Variants in STAC observed in about 807,000 individuals in gnomAD.
STAC encodes SH3 and cysteine-rich domain-containing protein.
In STAC, 43 loss-of-function variants were observed where a neutral mutation model predicts 48.8. That is an observed-to-expected ratio of 0.88 (90% confidence interval 0.69 to 1.14). The LOEUF (loss-of-function observed/expected upper bound fraction) is 1.14, where lower values mean the gene tolerates loss of function less well. Ranked by LOEUF, STAC falls within the 50% of genes most tolerant of loss-of-function variation. The probability of loss-of-function intolerance (pLI) is 0.00; values close to 1 mark genes in which losing one functional copy is unlikely to be tolerated. For synonymous variants in STAC, 193 were observed against 179.5 expected, an observed-to-expected ratio of 1.07 and a Z score of -0.60; for missense variants, 497 against 504.0, an observed-to-expected ratio of 0.99 and a Z score of 0.13.
At chr3:36,513,533 T>C (rs1476972372) in intron 8 of STAC, among the ~76,000 whole-genome samples, 4 of 152,204 alleles carry the variant, frequency 2.6e-5, no homozygotes, top group African/African-American at 4.8e-5. Flanking sequence ...CTATGGGTGA[T>C]AGTGCACTAA....
Position 36,398,559 on chromosome 3 carries a change from GGGAA to G in STAC, c.111+17843_111+17846del, listed in dbSNP as rs71085123. Among the ~76,000 whole-genome samples the G allele has an allele frequency of 1.8e-3, 55 of 30,982 alleles. 3 individuals carry two copies. The highest frequency in any genetic ancestry group is 0.011 in the East Asian group (9 of 834). The allele number at this position is 30,982 out of a possible 152,430, so 20.3% of individuals were successfully genotyped here. ...AAAGAGAGGTAAAGAGAAAGAGAGA[GGGAA>G]GGAAGGAAGGAAGGAAGGAAGGAAG... On this transcript the variant is annotated intron_variant, in intron 1 of 10. Coordinates refer to ENST00000273183, the MANE Select transcript of STAC (RefSeq NM_003149.3).
chr3:36,522,863 C>T (rs569093015), intron 8 of STAC, among the ~76,000 whole-genome samples: 27 of 152,240 alleles, frequency 1.8e-4, no homozygotes, highest in Non-Finnish European at 3.1e-4. Flanking sequence ...TGCCTCAGGG[C>T]AACTCATACT....
intron 2 of STAC, among the ~76,000 whole-genome samples, chr3:36,481,370 T>C (rs1274525894): frequency 6.6e-6 from 1 of 152,148 alleles, no homozygotes; most frequent in Non-Finnish European, 1.5e-5. Flanking sequence ...TTGATTACAT[T>C]TTTAAAACAT....
At chr3:36,508,883 GCA>G (rs2125715862) in intron 8 of STAC, among the ~76,000 whole-genome samples, 1 of 152,246 alleles carries the variant, frequency 6.6e-6, no homozygotes, top group South Asian at 2.1e-4. Context: ...TTGCCAGTCT[GCA>G]ACTTTTAATT....
At chr3:36,451,466 TTTGA>T (rs57194471) in intron 2 of STAC, among the ~76,000 whole-genome samples, 24,817 of 151,984 alleles carry the variant, frequency 0.16, 2,258 homozygotes, top group East Asian at 0.29. Flanking sequence ...AATTCATACT[TTTGA>T]TTGAGAATAA....
At chr3:36,467,678 T>C (rs1306247302) in intron 2 of STAC, among the ~76,000 whole-genome samples, 1 of 152,170 alleles carries the variant, frequency 6.6e-6, no homozygotes, top group African/African-American at 2.4e-5. Context: ...TTCTGTGGTA[T>C]CAGTTGTCAT....
intron 2 of STAC, among the ~76,000 whole-genome samples, chr3:36,466,469 T>G (rs991139874): frequency 6.6e-6 from 1 of 152,260 alleles, no homozygotes; most frequent in African/African-American, 2.4e-5. Flanking sequence ...GGAATTGCAT[T>G]GAATTTATAG....
intron 1 of STAC, among the ~76,000 whole-genome samples, chr3:36,396,659 C>T (rs940186731): frequency 1.3e-5 from 2 of 152,202 alleles, no homozygotes; most frequent in South Asian, 2.1e-4. Context: ...TTCTGGCTTA[C>T]ATTTCCCTGC....
chr3:36,526,541 CA>C (rs1396108415), intron 8 of STAC, among the ~76,000 whole-genome samples: 1 of 152,150 alleles, frequency 6.6e-6, no homozygotes, highest in Non-Finnish European at 1.5e-5. Context: ...GTCACCTCAG[CA>C]AAAGCCAGCC....
At position 36,425,624 on chromosome 3, in the gene STAC, G is replaced by A. The variant is rs1055174625; in HGVS notation, c.112-17740G>A. Among the ~76,000 whole-genome samples the A allele has an allele frequency of 2.8e-4, 43 of 152,304 alleles. 1 individual carries two copies. The highest frequency in any genetic ancestry group is 5.9e-4 in the Non-Finnish European group (40 of 68,018). ...TTCCTGGTTGTAATCAATTTACTGT[G>A]GTTATACAAGGTGTTAAGCAGGGGA... On this transcript the variant is annotated intron_variant, in intron 1 of 10. Coordinates refer to ENST00000273183, the MANE Select transcript of STAC (RefSeq NM_003149.3).
chr3:36,413,554 G>A (rs146154429), intron 1 of STAC, among the ~76,000 whole-genome samples: 1,645 of 151,666 alleles, frequency 0.011, 35 homozygotes, highest in African/African-American at 0.038. Flanking sequence ...CTTTTATTTT[G>A]AGCCTATGTA....
intron 1 of STAC, among the ~76,000 whole-genome samples, chr3:36,426,981 C>T (rs1359387854): frequency 1.3e-5 from 2 of 152,154 alleles, no homozygotes; most frequent in African/African-American, 4.8e-5. Flanking sequence ...AATTCATTGC[C>T]CTTCAACTCA....
At position 36,398,365 on chromosome 3, in the gene STAC, A is replaced by G. The variant is rs951226469; in HGVS notation, c.111+17611A>G. Among the ~76,000 whole-genome samples the G allele has an allele frequency of 6.1e-4, 87 of 141,874 alleles. 3 individuals are homozygous for G. The highest frequency in any genetic ancestry group is 2.1e-3 in the African/African-American group (80 of 37,332). 93.1% of individuals were successfully genotyped at this position (141,874 alleles called of 152,430 possible). A position where few individuals can be genotyped will look rare whatever the true frequency, so the allele number is the denominator to read the frequency against. ...AAAGAAAGAAAGAAAGAAAGAAAGA[A>G]AGAAAAGAAAGAGAGAAAGAAAGAA... On this transcript the variant is annotated intron_variant, in intron 1 of 10. Transcript: ENST00000273183.
rs375958614 is a variant in STAC at position 36,546,182 on chromosome 3, G to C, written c.1111-9G>C. On this transcript the variant is annotated splice_polypyrimidine_tract_variant and intron_variant, in intron 10 of 10. Coordinates refer to ENST00000273183, the MANE Select transcript of STAC (RefSeq NM_003149.3). ...AAGTATTTTGTTTTTTTTCTTCCTT[G>C]GCATTCAGATCTGCGTGAGTTCTGA... is the stretch of plus-strand genomic sequence containing the variant. 2.5e-6 allele frequency: 4 copies of C among 1,607,034 alleles called. No homozygotes were observed. In the African/African-American group the frequency reaches 5.4e-5, roughly 22 times the overall value.
In STAC at chr3:36,483,112, G is replaced by C. The variant is rs755046925; in HGVS notation, c.489+20G>C. The C allele has an allele frequency of 6.3e-7, 1 of 1,584,914 alleles. No homozygotes were observed. Among genetic ancestry groups the C allele is most frequent in the African/African-American group, 1.3e-5 (1 of 74,308 alleles). ...AAGCTGGTAAGGGCTTGTGCCAGGA[G>C]TGAGGCCCACACCTCTCTGCTAGGG... On this transcript the variant is annotated intron_variant, in intron 3 of 10. Coordinates refer to ENST00000273183, the MANE Select transcript of STAC (RefSeq NM_003149.3).
At chr3:36,524,499 G>A (rs1484993050) in intron 8 of STAC, among the ~76,000 whole-genome samples, 2 of 152,046 alleles carry the variant, frequency 1.3e-5, no homozygotes, top group Non-Finnish European at 2.9e-5. Context: ...GGCTGAGGCA[G>A]GAGAATCGCT....
intron 2 of STAC, among the ~76,000 whole-genome samples, chr3:36,454,171 C>T (rs1176789917): frequency 6.6e-6 from 1 of 152,150 alleles, no homozygotes; most frequent in African/African-American, 2.4e-5. Flanking sequence ...GCTGTGGAAG[C>T]TTTGTTCTTT....
chr3:36,525,654 G>A (rs1306039136), intron 8 of STAC, among the ~76,000 whole-genome samples: 1 of 152,158 alleles, frequency 6.6e-6, no homozygotes, highest in African/African-American at 2.4e-5. Flanking sequence ...TGGTTTCTTA[G>A]GTTACTGGTT....
intron 1 of STAC, among the ~76,000 whole-genome samples, chr3:36,404,468 T>C (rs1262910407): frequency 1.3e-5 from 2 of 152,176 alleles, no homozygotes; most frequent in South Asian, 2.1e-4. Flanking sequence ...CAGCTGATAA[T>C]AGCACCCACA....
Sources: allele counts gnomAD v4.1 joint callset (sites outside exome capture counted in the v4.1 genomes callset), GRCh38; gene constraint gnomAD v4.1.1; transcripts MANE v1.5; gene names NCBI Gene and HGNC (gene_info 2026-07-23, HGNC 2026-07-21).